Variants in ZNF717 observed in about 807,000 individuals in gnomAD.
The protein encoded by ZNF717 is krueppel-like factor X17.
A neutral mutation model predicts 13.8 loss-of-function variants in ZNF717; 9 were observed. That is an observed-to-expected ratio of 0.65 (90% confidence interval 0.39 to 1.14). The LOEUF (loss-of-function observed/expected upper bound fraction) is 1.14. ZNF717 is among the 50% of genes most tolerant of loss of function. The probability of loss-of-function intolerance (pLI) is 0.01; values close to 1 mark genes in which losing one functional copy is unlikely to be tolerated. For missense variants in ZNF717, 1,040 were observed against 1,080.7 expected, an observed-to-expected ratio of 0.96 and a Z score of 0.53; for synonymous variants, 327 against 364.1, an observed-to-expected ratio of 0.90 and a Z score of 1.16.
intron 2 of ZNF717, among the ~76,000 whole-genome samples, chr3:75,743,393 T>A (rs76188699): frequency 6.6e-6 from 1 of 152,220 alleles, no homozygotes; most frequent in East Asian, 1.9e-4. Context: ...AACCCATGGA[T>A]ACAAAAGGGT....
At chr3:75,751,579 C>T (rs1941809762) in intron 2 of ZNF717, among the ~76,000 whole-genome samples, 2 of 151,078 alleles carry the variant, frequency 1.3e-5, no homozygotes, top group Non-Finnish European at 2.9e-5. Context: ...GACACCAGAA[C>T]ACGCCTGTTG....
downstream of ZNF717, among the ~76,000 whole-genome samples, chr3:75,733,341 C>A (rs1938756775): frequency 1.3e-5 from 2 of 152,226 alleles, no homozygotes; most frequent in Non-Finnish European, 2.9e-5. Flanking sequence ...AACCAAAGAT[C>A]CAAGAAGCTC....
chr3:75,722,291 A>T (rs1446380036), intron 4 of ZNF717, among the ~76,000 whole-genome samples: 5 of 152,212 alleles, frequency 3.3e-5, no homozygotes, highest in African/African-American at 9.6e-5. Context: ...AAAAATAATA[A>T]ATTCAGTTCA....
intron 2 of ZNF717, among the ~76,000 whole-genome samples, chr3:75,772,597 G>A (rs1249749685): frequency 6.6e-6 from 1 of 152,242 alleles, no homozygotes; most frequent in Non-Finnish European, 1.5e-5. Flanking sequence ...TGGCACCTGT[G>A]CCAGTGCCTG....
intron 2 of ZNF717, among the ~76,000 whole-genome samples, chr3:75,771,337 C>T (rs1201800642): frequency 3.3e-5 from 5 of 152,200 alleles, no homozygotes; most frequent in African/African-American, 9.7e-5. Flanking sequence ...ATAAATCTTC[C>T]ACCATGTAGC....
rs1335247608 is a variant in ZNF717, at chr3:75,747,026, G to C, written c.58-5290C>G. Among the ~76,000 whole-genome samples, 6 of 152,042 alleles carry C rather than the reference G, an allele frequency of 3.9e-5. No individual in the cohort carries two copies. The East Asian group carries it at 5.8e-4, about 15-fold the overall frequency. On this transcript the variant is annotated intron_variant, in intron 2 of 4. Coordinates refer to ENST00000652011, the MANE Select transcript of ZNF717 (RefSeq NM_001290208.3). ...AACATTTAAGTCTTTAATCCATGTT[G>C]AATTAATTTTTGTATAAGGTGTAAG...
At position 75,737,312 on chromosome 3, in the gene ZNF717, A is replaced by G. The variant is rs1322599491; in HGVS notation, c.2311T>C (p.Ser771Pro). ...NECGKTFCHK[S>P]NLSTHQGTHS... is the part of the protein sequence containing the mutation. ...GTCCCCTGATGCGTACTGAGGTTTGACTTGTGACAAAAGGTTTTCCCACAC... is the reference window on the plus strand; with the variant it reads ...GTCCCCTGATGCGTACTGAGGTTTGGCTTGTGACAAAAGGTTTTCCCACAC... The change falls in exon 5 of 5, where the codon TCA becomes CCA. Residue 771 changes from serine (S) to proline (P), a missense_variant. Physicochemically the swap from Ser to Pro is moderately conservative, Grantham distance 74. Coordinates refer to ENST00000652011, the MANE Select transcript of ZNF717 (RefSeq NM_001290208.3). The G allele has an allele frequency of 6.4e-7, 1 of 1,552,554 alleles. No individual in the cohort carries two copies. The highest frequency in any genetic ancestry group is 8.7e-7 in the Non-Finnish European group (1 of 1,147,606).
At chr3:75,757,690 T>A (rs530282180) in intron 2 of ZNF717, among the ~76,000 whole-genome samples, 1 of 152,204 alleles carries the variant, frequency 6.6e-6, no homozygotes, top group Non-Finnish European at 1.5e-5. Context: ...CATAAAGCTA[T>A]AGCTTGTCTA....
intron 2 of ZNF717, among the ~76,000 whole-genome samples, chr3:75,742,534 C>G (rs1482777468): frequency 1.3e-4 from 15 of 119,570 alleles, no homozygotes; most frequent in African/African-American, 4.6e-4. Flanking sequence ...AGGTGTTTGG[C>G]TCTTCCACAT....
Position 75,736,628 on chromosome 3 carries a change from G to A in ZNF717, c.*250C>T, listed in dbSNP as rs1306734541. On this transcript the variant is annotated 3_prime_UTR_variant, in exon 5 of 5. Transcript: ENST00000652011. ...GAAGAGAGGTGAGGAAGTTGCAGAA[G>A]AAATGTTTGAAGCTGGCAGAGGTTG... 6 of 480,502 alleles carry A rather than the reference G, an allele frequency of 1.2e-5. No individual in the cohort carries two copies. The South Asian group carries it at 2.6e-4, about 21-fold the overall frequency. The allele number at this position is 480,502 out of a possible 1,614,324, so 29.8% of individuals were successfully genotyped here.
chr3:75,773,776 G>A (rs1171391620), intron 2 of ZNF717, among the ~76,000 whole-genome samples: 18 of 152,098 alleles, frequency 1.2e-4, no homozygotes, highest in African/African-American at 3.1e-4. Context: ...ATGGCCAGGC[G>A]CAGTGGCTTA....
downstream of ZNF717, among the ~76,000 whole-genome samples, chr3:75,733,778 C>CAAAAAAAAAAAAAAAAAAA (rs56196464): frequency 7.5e-5 from 2 of 26,646 alleles, no homozygotes; most frequent in African/African-American, 1.7e-4. Flanking sequence ...GACTCTATCT[C>CAAAAAAAAAAAAAAAAAAA]AAAAAAAAAA....
downstream of ZNF717, among the ~76,000 whole-genome samples, chr3:75,727,992 A>T (rs1228802227): frequency 2.0e-5 from 3 of 152,254 alleles, no homozygotes; most frequent in South Asian, 2.1e-4. Context: ...CCTACATTGA[A>T]ATATTGGGGG....
At position 75,737,295 on chromosome 3, in the gene ZNF717, A is replaced by G; in HGVS notation, c.2328T>C (p.His776=). 3.2e-6 allele frequency: 5 copies of G among 1,552,944 alleles called. No individual in the cohort carries two copies. Among genetic ancestry groups the G allele is most frequent in the Non-Finnish European group, 4.4e-6 (5 of 1,147,862 alleles). The change falls in exon 5 of 5, where the codon CAT becomes CAC. Residue 776 remains histidine (H), a synonymous_variant. Transcript: ENST00000652011. ...TFCHKSNLST[H]QGTHSGEKPY... is the part of the protein sequence containing the mutation. Reference sequence around the variant, plus strand: ...GTTTCTCTCCTGAGTGAGTCCCCTGATGCGTACTGAGGTTTGACTTGTGAC... The same window carrying G: ...GTTTCTCTCCTGAGTGAGTCCCCTGGTGCGTACTGAGGTTTGACTTGTGAC...
In ZNF717 at chr3:75,738,369, T is replaced by C. The variant is rs76264776; in HGVS notation, c.1254A>G (p.Thr418=). The C allele has an allele frequency of 6.1e-6, 9 of 1,465,206 alleles. No individual in the cohort carries two copies. Among genetic ancestry groups the C allele is most frequent in the African/African-American group, 5.6e-5 (4 of 71,538 alleles). The allele number at this position is 1,465,206 out of a possible 1,614,324, so 90.8% of individuals were successfully genotyped here. Reference sequence around the variant, plus strand: ...GGTCACATGCATAGGGCTTTTCCCCTGTGTGAGTTCTATGATGTATTGTGA... The same window carrying C: ...GGTCACATGCATAGGGCTTTTCCCCCGTGTGAGTTCTATGATGTATTGTGA... ...SYLTIHHRTH[T]GEKPYACDHC... The change falls in exon 5 of 5, where the codon ACA becomes ACG. Residue 418 remains threonine (T), a synonymous_variant. Coordinates refer to ENST00000652011, the MANE Select transcript of ZNF717 (RefSeq NM_001290208.3).
chr3:75,759,694 G>A (rs972201776), intron 2 of ZNF717, among the ~76,000 whole-genome samples: 6 of 151,872 alleles, frequency 4.0e-5, no homozygotes, highest in African/African-American at 1.5e-4. Context: ...TCAGGCTCCT[G>A]AGTAGCTGGG....
downstream of ZNF717, among the ~76,000 whole-genome samples, chr3:75,709,026 A>T: frequency 1.4e-5 from 2 of 145,664 alleles, no homozygotes; most frequent in Admixed American, 6.9e-5. Context: ...TTTTAGATGG[A>T]TTCTCACTCT....
chr3:75,714,351 A>T (rs1938006253), intron 5 of ZNF717, among the ~76,000 whole-genome samples: 1 of 152,004 alleles, frequency 6.6e-6, no homozygotes, highest in Admixed American at 6.6e-5. Flanking sequence ...CGTTACTGCT[A>T]GACCAAGGAG....
intron 2 of ZNF717, among the ~76,000 whole-genome samples, chr3:75,778,222 C>G (rs1333370007): frequency 1.3e-5 from 2 of 151,666 alleles, no homozygotes; most frequent in Non-Finnish European, 2.9e-5. Context: ...AAAACTGGAA[C>G]CCAAAACAAT....
Sources: gnomAD v4.1 joint callset for allele counts (sites outside exome capture counted in the v4.1 genomes callset) on GRCh38, gnomAD v4.1.1 for gene constraint, MANE v1.5 for transcripts, NCBI Gene and HGNC (gene_info 2026-07-23, HGNC 2026-07-21) for gene names.